Variants in FZD3 observed in about 807,000 individuals in gnomAD.
The protein encoded by FZD3 is frizzled-3.
Under a neutral mutation model 60.7 loss-of-function variants are expected in FZD3, and 30 were observed. That is an observed-to-expected ratio of 0.49 (90% CI 0.37 to 0.67). FZD3 has a LOEUF of 0.67. FZD3 is among the 30% of genes least tolerant of loss of function. FZD3 has a pLI of 0.00. For synonymous variants in FZD3, 246 were observed against 275.2 expected, an observed-to-expected ratio of 0.89 and a Z score of 1.05; for missense variants, 605 against 838.7, an observed-to-expected ratio of 0.72 and a Z score of 3.44.
At chr8:28,494,369 C>G (rs1280352053) in intron 1 of FZD3, 26 bp downstream of exon 1, 1 of 152,138 alleles carries the variant, frequency 6.6e-6, no homozygotes, top group African/African-American at 2.4e-5. Context: ...CGTGTGGGCC[C>G]CTGGGCCGGG....
chr8:28,515,345 C>G lies in FZD3; in HGVS notation c.190-5293C>G, dbSNP rs1010499113. On this transcript the variant is annotated intron_variant, in intron 3 of 7. Transcript: ENST00000240093. ...CGGGAGACTGAGACAAGTTTTAGAG[C>G]AGGAGTGAAAGTTCAGTAAAAAGCT... Among the ~76,000 whole-genome samples, 7 of 152,190 alleles carry G rather than the reference C, an allele frequency of 4.6e-5. No individual in the cohort carries two copies. The East Asian group carries it at 1.4e-3, about 29-fold the overall frequency.
At chr8:28,520,860 A>T in intron 4 of FZD3, 26 bp downstream of exon 4, 1 of 1,418,890 alleles carries the variant, frequency 7.0e-7, no homozygotes, top group Non-Finnish European at 9.6e-7. Context: ...ATTTTCATGG[A>T]TCATTTCTTA....
In FZD3 at chr8:28,572,707, C is replaced by A. The variant is rs1163089699; in HGVS notation, c.*9696C>A. 1 of 152,148 alleles carries A rather than the reference C, an allele frequency of 6.6e-6. No individual in the cohort carries two copies. Among genetic ancestry groups the A allele is most frequent in the African/African-American group, 2.4e-5 (1 of 41,434 alleles). The allele number at this position is 152,148 out of a possible 1,614,324, so 9.4% of individuals were successfully genotyped here. On this transcript the variant is annotated 3_prime_UTR_variant, in exon 8 of 8. Coordinates refer to ENST00000240093, the MANE Select transcript of FZD3 (RefSeq NM_017412.4). Reference sequence around the variant, plus strand: ...ATTTTGGCAACTGGAATGTTATCCTCTTGGTAGGCATTCTAAATTAATGAA... The same window carrying A: ...ATTTTGGCAACTGGAATGTTATCCTATTGGTAGGCATTCTAAATTAATGAA...
chr8:28,532,367 C>CTTGT lies in FZD3; in HGVS notation c.1404+4205_1404+4206insGTTT, dbSNP rs142249813. Among the ~76,000 whole-genome samples the CTTGT allele has an allele frequency of 4.7e-3, 722 of 152,230 alleles. 26 individuals carry two copies. In the East Asian group the frequency reaches 0.091, roughly 19 times the overall value. On this transcript the variant is annotated intron_variant, in intron 5 of 7. Transcript: ENST00000240093. The stretch of plus-strand genomic sequence containing the variant: ...TTTTTGCAATACTGAGTTTTAATAG[C>CTTGT]TTATTTACATTTTTATTCATTAAAT...
intron 5 of FZD3, among the ~76,000 whole-genome samples, chr8:28,534,537 A>G (rs1341071540): frequency 1.3e-5 from 2 of 152,152 alleles, no homozygotes; most frequent in African/African-American, 4.8e-5. Flanking sequence ...TAGGTGACAG[A>G]GCGAGACCCT....
intron 3 of FZD3, among the ~76,000 whole-genome samples, chr8:28,516,004 C>G (rs1342101371): frequency 6.6e-6 from 1 of 152,140 alleles, no homozygotes; most frequent in Admixed American, 6.5e-5. Context: ...AGATTTGCCC[C>G]TGTGTTTTCT....
In FZD3 at chr8:28,572,029, T is replaced by C. The variant is rs1018439129; in HGVS notation, c.*9018T>C. 11 of 152,204 alleles carry C rather than the reference T, an allele frequency of 7.2e-5. No homozygotes were observed. Among genetic ancestry groups the C allele is most frequent in the Non-Finnish European group, 1.5e-4 (10 of 68,030 alleles). 9.4% of individuals were successfully genotyped at this position (152,204 alleles called of 1,614,324 possible). ...TTGTGATACCCAAGATTCATATTTA[T>C]TTAATGTGAGGTGTTTTTTGAGGCT... On this transcript the variant is annotated 3_prime_UTR_variant, in exon 8 of 8. Transcript: ENST00000240093.
intron 5 of FZD3, 93 bp from the exon 6 acceptor site, chr8:28,551,510 C>T (rs1805410409): frequency 1.0e-6 from 1 of 983,338 alleles, no homozygotes; most frequent in Non-Finnish European, 1.5e-6. Flanking sequence ...GAACAAAACT[C>T]TGTCTCAAAA....
At position 28,532,526 on chromosome 8, in the gene FZD3, G is replaced by C. The variant is rs1291111729; in HGVS notation, c.1404+4362G>C. 3.3e-5 allele frequency among the ~76,000 whole-genome samples: 5 copies of C among 151,708 alleles called. No homozygotes were observed. The East Asian group carries it at 7.7e-4, about 23-fold the overall frequency. On this transcript the variant is annotated intron_variant, in intron 5 of 7. Transcript: ENST00000240093. ...TCTGTAACCATGAACTCCCAGGCTC[G>C]AGTGATCCTCCTGCCTCATCCCCCC...
chr8:28,551,894 A>G, intron 6 of FZD3, 143 bp downstream of exon 6: 2 of 676,190 alleles, frequency 3.0e-6, no homozygotes, highest in South Asian at 4.2e-5. Context: ...TATGATTGGC[A>G]CAGTAGCATG....
intron 3 of FZD3, among the ~76,000 whole-genome samples, chr8:28,515,842 G>A (rs541779099): frequency 5.3e-4 from 80 of 152,212 alleles, no homozygotes; most frequent in Non-Finnish European, 7.2e-4. Context: ...ATTTTCTTCC[G>A]TTCTGTTGGT....
intron 5 of FZD3, among the ~76,000 whole-genome samples, chr8:28,534,467 G>A (rs1563396641): frequency 1.3e-5 from 2 of 152,100 alleles, no homozygotes; most frequent in Admixed American, 6.6e-5. Context: ...GCAGGAGAAT[G>A]GTTTGAGCCC....
intron 3 of FZD3, among the ~76,000 whole-genome samples, chr8:28,517,941 G>A (rs1363885968): frequency 2.0e-5 from 3 of 152,042 alleles, no homozygotes; most frequent in Admixed American, 6.5e-5. Flanking sequence ...AGTGCTAGAC[G>A]TTATAAAATA....
intron 1 of FZD3, among the ~76,000 whole-genome samples, chr8:28,498,489 C>T (rs1168957862): frequency 6.6e-6 from 1 of 152,198 alleles, no homozygotes; most frequent in African/African-American, 2.4e-5. Context: ...GGAAAAATGG[C>T]ATACTCACAT....
At chr8:28,512,692 A>G (rs1336750812) in intron 3 of FZD3, among the ~76,000 whole-genome samples, 3 of 152,140 alleles carry the variant, frequency 2.0e-5, no homozygotes, top group African/African-American at 7.2e-5. Flanking sequence ...GATAAGTACA[A>G]TATAGGGAAG....
intron 2 of FZD3, among the ~76,000 whole-genome samples, chr8:28,501,513 C>G (rs530365926): frequency 3.3e-5 from 5 of 152,148 alleles, no homozygotes; most frequent in Non-Finnish European, 7.3e-5. Flanking sequence ...TTTTCCTAAC[C>G]TAGGCTCTCC....
intron 5 of FZD3, among the ~76,000 whole-genome samples, chr8:28,549,145 C>G (rs967019201): frequency 2.6e-5 from 4 of 152,198 alleles, no homozygotes; most frequent in Admixed American, 6.5e-5. Flanking sequence ...CATGGCCTTT[C>G]TGTGTGTGTA....
rs562741044 is a variant in FZD3, at chr8:28,502,154, T to A, written c.-344-516T>A. On this transcript the variant is annotated intron_variant, in intron 2 of 7. Coordinates refer to ENST00000240093, the MANE Select transcript of FZD3 (RefSeq NM_017412.4). ...AGGTACATAGAAGTTAAGTGGTATG[T>A]TTATATTCACACAGCTAGCAAGAGG... 2.0e-5 allele frequency among the ~76,000 whole-genome samples: 3 copies of A among 152,300 alleles called. No homozygotes were observed. In the South Asian group the frequency reaches 6.2e-4, roughly 32 times the overall value.
At chr8:28,540,788 T>C (rs1458119790) in intron 5 of FZD3, among the ~76,000 whole-genome samples, 1 of 151,998 alleles carries the variant, frequency 6.6e-6, no homozygotes, top group East Asian at 1.9e-4. Context: ...CTACTAAAAA[T>C]ACAAAAATTA....
Sources: allele counts gnomAD v4.1 joint callset (sites outside exome capture counted in the v4.1 genomes callset), GRCh38; gene constraint gnomAD v4.1.1; transcripts MANE v1.5; gene names NCBI Gene and HGNC (gene_info 2026-07-23, HGNC 2026-07-21).